The following KRR1 variants were observed in gnomAD, a reference collection of about 807,000 sequenced individuals.
KRR1 encodes KRR1 small subunit processome component homolog.
Under a neutral mutation model 50.0 loss-of-function variants are expected in KRR1, and 23 were observed. The ratio of observed to expected loss-of-function variants is 0.46; its 90% CI spans 0.33 to 0.65. The LOEUF (loss-of-function observed/expected upper bound fraction) is 0.65. KRR1 is among the 30% of genes least tolerant of loss of function. The probability of loss-of-function intolerance (pLI) is 0.02; values close to 1 mark genes in which losing one functional copy is unlikely to be tolerated. For missense variants in KRR1, 419 were observed against 442.4 expected, an observed-to-expected ratio of 0.95 and a Z score of 0.47; for synonymous variants, 133 against 146.3, an observed-to-expected ratio of 0.91 and a Z score of 0.66.
rs567481331 is a variant in KRR1, at chr12:75,499,307, A to C, written c.*502T>G. The stretch of plus-strand genomic sequence containing the variant: ...TAACTCCAGTAGCCTTCATTAGTTA[A>C]AAACATTATTATTTTTTGCATGCTG... On this transcript the variant is annotated 3_prime_UTR_variant, in exon 10 of 10. Coordinates refer to ENST00000229214, the MANE Select transcript of KRR1 (RefSeq NM_007043.7). 9.3e-5 allele frequency: 17 copies of C among 183,226 alleles called. No homozygotes were observed. 11.4% of individuals were successfully genotyped at this position (183,226 alleles called of 1,614,324 possible).
Position 75,497,004 on chromosome 12 carries a change from G to C in KRR1, c.*2805C>G, listed in dbSNP as rs530896228. ...ATATCAAGGTATCAATGTATTCACT[G>C]AATTCTTCCTTTCACTCACTCTTCA... is the stretch of plus-strand genomic sequence containing the variant. On this transcript the variant is annotated 3_prime_UTR_variant, in exon 10 of 10. Transcript: ENST00000229214. The C allele has an allele frequency of 6.6e-6, 1 of 152,118 alleles. No individual in the cohort carries two copies. The highest frequency in any genetic ancestry group is 2.4e-5 in the African/African-American group (1 of 41,418). The allele number at this position is 152,118 out of a possible 1,614,324, so 9.4% of individuals were successfully genotyped here.
Position 75,503,644 on chromosome 12 carries a change from T to C in KRR1, c.831+260A>G, listed in dbSNP as rs1262781893. 2.1e-5 allele frequency: 6 copies of C among 289,708 alleles called. No individual in the cohort carries two copies. In the East Asian group the frequency reaches 3.4e-4, roughly 17 times the overall value. 17.9% of individuals were successfully genotyped at this position (289,708 alleles called of 1,614,324 possible). A position where few individuals can be genotyped will look rare whatever the true frequency, so the allele number is the denominator to read the frequency against. On this transcript the variant is annotated intron_variant, in intron 7 of 9. Coordinates refer to ENST00000229214, the MANE Select transcript of KRR1 (RefSeq NM_007043.7). The stretch of plus-strand genomic sequence containing the variant: ...TGCAGACTAAACGAACTTTTATCCA[T>C]GGAACATTTACAGTGGCTACAGGGT...
At position 75,506,518 on chromosome 12, in the gene KRR1, T is replaced by C. The variant is rs1271622488; in HGVS notation, c.485A>G (p.Gln162Arg). Residue 162 changes from glutamine (Q) to arginine (R), a missense_variant, in exon 4 of 10, where the codon CAA (glutamine) becomes CGA (arginine). Physicochemically the swap from Gln to Arg is conservative, Grantham distance 43. Coordinates refer to ENST00000229214, the MANE Select transcript of KRR1 (RefSeq NM_007043.7). ...AGATCCTTTGGGACCAATAAGCCGT[T>C]GTCTTCGTTTTACAAATCTCTCTTT... is the stretch of plus-strand genomic sequence containing the variant. ...RNKERFVKRR[Q>R]RLIGPKGSTL... The C allele has an allele frequency of 1.1e-5, 18 of 1,612,302 alleles. No individual in the cohort carries two copies. The highest frequency in any genetic ancestry group is 1.4e-5 in the Non-Finnish European group (17 of 1,179,420).
At chr12:75,509,760 T>C (rs1452721254) in intron 1 of KRR1, among the ~76,000 whole-genome samples, 3 of 132,824 alleles carry the variant, frequency 2.3e-5, no homozygotes, top group African/African-American at 9.6e-5. Flanking sequence ...GTCCGGCTAA[T>C]TTTTTTTTTT....
intron 6 of KRR1, 92 bp downstream of exon 6, chr12:75,505,106 G>C (rs1429889685): frequency 1.3e-5 from 17 of 1,290,220 alleles, no homozygotes; most frequent in Non-Finnish European, 1.8e-5. Flanking sequence ...TTGTGCATTA[G>C]AATTTCATAA....
At chr12:75,503,071 G>A (rs1234422791) in intron 7 of KRR1, 1 of 152,078 alleles carries the variant, frequency 6.6e-6, no homozygotes, top group African/African-American at 2.4e-5. Flanking sequence ...GCCAAGGAAG[G>A]GAATAATGAA....
In KRR1 at chr12:75,501,982, T is replaced by C. The variant is rs373922981; in HGVS notation, c.850A>G (p.Ser284Gly). The change falls in exon 8 of 10, where the codon AGT becomes GGT. Residue 284 changes from serine (S) to glycine (G), a missense_variant. Transcript: ENST00000229214. Reference sequence around the variant, plus strand: ...TTTGCCTTCAAAAAGTATTCACCACTAGCCAATTCTTTATCGATCTGTTGA... The same window carrying C: ...TTTGCCTTCAAAAAGTATTCACCACCAGCCAATTCTTTATCGATCTGTTGA... ...PESQIDKELA[S>G]GEYFLKANQK... 1.5e-5 allele frequency: 24 copies of C among 1,611,704 alleles called. 1 individual carries two copies. In the South Asian group the frequency reaches 2.5e-4, roughly 17 times the overall value.
intron 2 of KRR1, among the ~76,000 whole-genome samples, chr12:75,507,725 C>A (rs1294295535): frequency 6.6e-6 from 1 of 151,494 alleles, no homozygotes; most frequent in Non-Finnish European, 1.5e-5. Context: ...AAGCCAATAT[C>A]AAAAAAAGAT....
intron 7 of KRR1, chr12:75,502,236 G>T: frequency 2.7e-6 from 1 of 366,280 alleles, no homozygotes; most frequent in Non-Finnish European, 4.9e-6. Flanking sequence ...GATATGGCAT[G>T]GAAGGTCACT....
chr12:75,500,424 C>T (rs1186060053), intron 9 of KRR1: 1 of 151,802 alleles, frequency 6.6e-6, no homozygotes, highest in African/African-American at 2.4e-5. Context: ...AATCTACTTC[C>T]TCTAATATCA....
chr12:75,499,803 G>C lies in KRR1; in HGVS notation c.*6C>G, dbSNP rs752227906. Reference sequence around the variant, plus strand: ...AGATAGTTCTAGTCAAGGAGTTTTGGGTATGTTACTTTTTTTTCTTCTTTT... The same window carrying C: ...AGATAGTTCTAGTCAAGGAGTTTTGCGTATGTTACTTTTTTTTCTTCTTTT... On this transcript the variant is annotated 3_prime_UTR_variant, in exon 10 of 10. Transcript: ENST00000229214. The C allele has an allele frequency of 5.7e-6, 9 of 1,592,490 alleles. No individual in the cohort carries two copies. The Admixed American group carries it at 1.4e-4, about 25-fold the overall frequency.
intron 1 of KRR1, among the ~76,000 whole-genome samples, chr12:75,509,261 C>T (rs1400870536): frequency 1.3e-5 from 2 of 152,192 alleles, no homozygotes; most frequent in Non-Finnish European, 2.9e-5. Flanking sequence ...CTTGCAGTAT[C>T]AGCACAAACT....
In KRR1 at chr12:75,506,842, A is replaced by G. The variant is rs143195240; in HGVS notation, c.333T>C (p.Tyr111=). ...TCAGATCTCTGGCCCTAATGATGAT[A>G]TATGGATCAAAAGTCTTCTTTGTAG... ...VCTTKKTFDP[Y]IIIRARDLIK... is the part of the protein sequence containing the mutation. The change falls in exon 3 of 10, where the codon TAT becomes TAC. Residue 111 remains tyrosine, a synonymous_variant. Coordinates refer to ENST00000229214, the MANE Select transcript of KRR1 (RefSeq NM_007043.7). 3 of 1,613,300 alleles carry G rather than the reference A, an allele frequency of 1.9e-6. No individual in the cohort carries two copies. Among genetic ancestry groups the G allele is most frequent in the African/African-American group, 1.3e-5 (1 of 74,896 alleles).
At position 75,506,908 on chromosome 12, in the gene KRR1, A is replaced by G. The variant is rs1237102752; in HGVS notation, c.267T>C (p.Asn89=). The change falls in exon 3 of 10, where the codon AAT becomes AAC. Residue 89 remains asparagine, a synonymous_variant. Transcript: ENST00000229214. The part of the protein sequence containing the change: ...VQKALNEHHV[N]ATLDLIEGSM... The stretch of plus-strand genomic sequence containing the variant: ...TGCCTTCGATCAGGTCCAGGGTTGC[A>G]TTAACATGCTACAGAAGGAAAGAGC... The G allele has an allele frequency of 6.3e-7, 1 of 1,593,974 alleles. No homozygotes were observed. The highest frequency in any genetic ancestry group is 1.2e-5 in the South Asian group (1 of 86,938).
chr12:75,498,698 C>T lies in KRR1; in HGVS notation c.*1111G>A. On this transcript the variant is annotated 3_prime_UTR_variant, in exon 10 of 10. Coordinates refer to ENST00000229214, the MANE Select transcript of KRR1 (RefSeq NM_007043.7). Reference sequence around the variant, plus strand: ...TTCTTCCCCCTAACTTTACAGTTAACCGACAGCGAGACCAAGTCAAACGTA... The same window carrying T: ...TTCTTCCCCCTAACTTTACAGTTAATCGACAGCGAGACCAAGTCAAACGTA... The T allele has an allele frequency of 6.2e-7, 1 of 1,612,254 alleles. No individual in the cohort carries two copies. The highest frequency in any genetic ancestry group is 8.5e-7 in the Non-Finnish European group (1 of 1,178,598).
rs1032268231 is a variant in KRR1, at chr12:75,497,512, T to G, written c.*2297A>C. The G allele has an allele frequency of 1.1e-4, 17 of 152,208 alleles. No homozygotes were observed. The highest frequency in any genetic ancestry group is 2.4e-4 in the Non-Finnish European group (16 of 68,042). 9.4% of individuals were successfully genotyped at this position (152,208 alleles called of 1,614,324 possible). On this transcript the variant is annotated 3_prime_UTR_variant, in exon 10 of 10. Transcript: ENST00000229214. ...CAGAGCTAGATTTATGTAATTTGTT[T>G]TCATGTAAGTTTAGGCTTACTTGAA...
In KRR1 at chr12:75,501,970, A is replaced by G. The variant is rs1450653214; in HGVS notation, c.862T>C (p.Phe288Leu). The G allele has an allele frequency of 6.2e-7, 1 of 1,612,224 alleles. No individual in the cohort carries two copies. Among genetic ancestry groups the G allele is most frequent in the Non-Finnish European group, 8.5e-7 (1 of 1,179,082 alleles). ...IDKELASGEY[F>L]LKANQKKRQK... is the part of the protein sequence containing the mutation. ...CGCTTCTTCTGATTTGCCTTCAAAAAGTATTCACCACTAGCCAATTCTTTA... is the reference window on the plus strand; with the variant it reads ...CGCTTCTTCTGATTTGCCTTCAAAAGGTATTCACCACTAGCCAATTCTTTA... The change falls in exon 8 of 10, where the codon TTT (phenylalanine) becomes CTT (leucine). Residue 288 changes from phenylalanine (F) to leucine (L), a missense_variant. Phe to Leu is a conservative substitution (Grantham distance 22, BLOSUM62 0). Transcript: ENST00000229214.
Position 75,498,497 on chromosome 12 carries a change from T to C in KRR1, c.*1312A>G, listed in dbSNP as rs1286655935. On this transcript the variant is annotated 3_prime_UTR_variant, in exon 10 of 10. Coordinates refer to ENST00000229214, the MANE Select transcript of KRR1 (RefSeq NM_007043.7). ...CTTTTTATAAAAGGTTTATAAAGTT[T>C]ATGTAAAAAGTCAACTTAAAAATAC... 2 of 524,774 alleles carry C rather than the reference T, an allele frequency of 3.8e-6. No homozygotes were observed. Among genetic ancestry groups the C allele is most frequent in the Non-Finnish European group, 6.7e-6 (2 of 298,504 alleles). 32.5% of individuals were successfully genotyped at this position (524,774 alleles called of 1,614,324 possible). A position where few individuals can be genotyped will look rare whatever the true frequency, so the allele number is the denominator to read the frequency against.
chr12:75,507,819 C>A (rs894221463), intron 2 of KRR1, among the ~76,000 whole-genome samples: 1 of 151,626 alleles, frequency 6.6e-6, no homozygotes, highest in Non-Finnish European at 1.5e-5. Context: ...GGTTTCAATC[C>A]CCAGTTTGAA....
Sources: gnomAD v4.1 joint callset for allele counts (sites outside exome capture counted in the v4.1 genomes callset) on GRCh38, gnomAD v4.1.1 for gene constraint, MANE v1.5 for transcripts, NCBI Gene and HGNC (gene_info 2026-07-23, HGNC 2026-07-21) for gene names.